CSMD1: variants seen among roughly 807,000 people sequenced by gnomAD.
The protein encoded by CSMD1 is CUB and Sushi multiple domains 1, also known as CUB and sushi domain-containing protein 1.
A neutral mutation model predicts 417.5 loss-of-function variants in CSMD1; 213 were observed. The ratio of observed to expected loss-of-function variants is 0.51; its 90% CI spans 0.46 to 0.57. The LOEUF (loss-of-function observed/expected upper bound fraction) is 0.57, where lower values mean the gene tolerates loss of function less well. Among genes scored for constraint, CSMD1 ranks in the 20% least tolerant of loss-of-function variants. The pLI, the probability that CSMD1 is intolerant of heterozygous loss-of-function variation, is 0.00. For missense variants in CSMD1, 6,923 were observed against 4,529.7 expected (o/e 1.53, Z -15.17); for synonymous variants, 2,862 against 1,736.8 (o/e 1.65, Z -16.11).
intron 3 of CSMD1, among the ~76,000 whole-genome samples, chr8:4,387,163 T>A (rs1369751080): frequency 6.6e-6 from 1 of 152,200 alleles, no homozygotes. Context: ...GAAAATGAGT[T>A]AACACAATGC....
At chr8:3,403,459 T>C (rs1455568375) in intron 15 of CSMD1, among the ~76,000 whole-genome samples, 1 of 152,234 alleles carries the variant, frequency 6.6e-6, no homozygotes, top group Non-Finnish European at 1.5e-5. Flanking sequence ...TCAACGCAGG[T>C]AGACTTTTAA....
chr8:3,618,118 C>T (rs1218085221), intron 7 of CSMD1, among the ~76,000 whole-genome samples: 1 of 152,182 alleles, frequency 6.6e-6, no homozygotes, highest in East Asian at 1.9e-4. Context: ...ACTCCCGTCT[C>T]AGCCTCCCTA....
intron 5 of CSMD1, among the ~76,000 whole-genome samples, chr8:3,833,589 G>C (rs2129089036): frequency 6.6e-6 from 1 of 151,842 alleles, no homozygotes; most frequent in East Asian, 1.9e-4. Context: ...TCATAATTTT[G>C]ATGATACTTT....
At chr8:3,432,959 G>C (rs957611981) in intron 12 of CSMD1, among the ~76,000 whole-genome samples, 2 of 152,240 alleles carry the variant, frequency 1.3e-5, no homozygotes, top group South Asian at 4.1e-4. Context: ...AAATGGGGGG[G>C]TTACAGTCAG....
intron 3 of CSMD1, among the ~76,000 whole-genome samples, chr8:4,382,892 G>C (rs577798325): frequency 6.6e-6 from 1 of 152,142 alleles, no homozygotes; most frequent in African/African-American, 2.4e-5. Context: ...TAAATAAATT[G>C]TTCAAGAATA....
chr8:4,272,775 G>C (rs188333839), intron 3 of CSMD1, among the ~76,000 whole-genome samples: 9 of 152,112 alleles, frequency 5.9e-5, no homozygotes, highest in Non-Finnish European at 1.3e-4. Flanking sequence ...AGTAAAGGAG[G>C]TTAGTATGAG....
chr8:4,464,735 T>A (rs1179030699), intron 2 of CSMD1, among the ~76,000 whole-genome samples: 1 of 152,150 alleles, frequency 6.6e-6, no homozygotes, highest in African/African-American at 2.4e-5. Flanking sequence ...GATTGGATCA[T>A]CAGCATCCGT....
At chr8:3,855,329 T>C (rs1246403326) in intron 5 of CSMD1, among the ~76,000 whole-genome samples, 1 of 152,190 alleles carries the variant, frequency 6.6e-6, no homozygotes, top group Admixed American at 6.6e-5. Context: ...TATTTTTTCA[T>C]CCAGAAGGAA....
chr8:3,888,508 G>C lies in CSMD1; in HGVS notation c.818+109395C>G, dbSNP rs535523216. ...ATCATTAGCTCAAATGAAACACAAAGCGCTTTGCTGGCTCCCCCATCTGAC... is the reference window on the plus strand; with the variant it reads ...ATCATTAGCTCAAATGAAACACAAACCGCTTTGCTGGCTCCCCCATCTGAC... On this transcript the variant is annotated intron_variant, in intron 5 of 69. Transcript: ENST00000635120. Among the ~76,000 whole-genome samples the C allele has an allele frequency of 1.3e-3, 193 of 152,280 alleles. 1 individual carries two copies. Among genetic ancestry groups the C allele is most frequent in the Non-Finnish European group, 9.9e-4 (67 of 68,012 alleles).
intron 23 of CSMD1, among the ~76,000 whole-genome samples, chr8:3,311,670 G>A (rs866791428): frequency 2.6e-5 from 4 of 152,116 alleles, no homozygotes; most frequent in Non-Finnish European, 4.4e-5. Flanking sequence ...TCTACTGAAC[G>A]TGTATTACTT....
rs1021069127 is a variant in CSMD1 at position 4,692,680 on chromosome 8, A to G, written c.86-55122T>C. 8.5e-5 allele frequency among the ~76,000 whole-genome samples: 13 copies of G among 152,272 alleles called. 1 individual carries two copies. The South Asian group carries it at 2.1e-3, about 24-fold the overall frequency. ...CTGTCCTGGTTTGCCGATGGTCACC[A>G]TTTTATAACTGAAAAGTCCTGCAGC... is the stretch of plus-strand genomic sequence containing the variant. On this transcript the variant is annotated intron_variant, in intron 1 of 69. Transcript: ENST00000635120.
At chr8:4,078,970 C>G (rs1799982337) in intron 3 of CSMD1, among the ~76,000 whole-genome samples, 1 of 143,160 alleles carries the variant, frequency 7.0e-6, no homozygotes, top group African/African-American at 2.7e-5. Context: ...CTTCTCTTCA[C>G]TTTTTCCCAC....
chr8:4,841,911 CAAAAA>C (rs397757527), intron 1 of CSMD1, among the ~76,000 whole-genome samples: 1 of 34,830 alleles, frequency 2.9e-5, no homozygotes. Context: ...AACTCCGTCT[CAAAAA>C]AAAAAAAAAA....
rs762176326 is a variant in CSMD1 at position 3,708,451 on chromosome 8, C to A, written c.972G>T (p.Met324Ile). Residue 324 changes from methionine (M) to isoleucine (I), a missense_variant, in exon 7 of 70, where the codon ATG becomes ATT. Transcript: ENST00000635120. ...TATGGCTTCCATCCTTGCTGGGCAG[C>A]ATCTTGACTCCTCTTGACTTCAACT... is the stretch of plus-strand genomic sequence containing the variant. ...AIELKSRGVK[M>I]LPSKDGSHKN... is the part of the protein sequence containing the mutation. 3.7e-6 allele frequency: 6 copies of A among 1,613,830 alleles called. No homozygotes were observed. The highest frequency in any genetic ancestry group is 3.3e-5 in the Admixed American group (2 of 59,996).
Position 3,928,549 on chromosome 8 carries a change from G to C in CSMD1, c.818+69354C>G, listed in dbSNP as rs189951491. Reference sequence around the variant, plus strand: ...GGTTTCACGGCCGTTTGTAGGCTTCGGTACTGTACTAAGTTCAGATCTACA... The same window carrying C: ...GGTTTCACGGCCGTTTGTAGGCTTCCGTACTGTACTAAGTTCAGATCTACA... On this transcript the variant is annotated intron_variant, in intron 5 of 69. Coordinates refer to ENST00000635120, the MANE Select transcript of CSMD1 (RefSeq NM_033225.6). Among the ~76,000 whole-genome samples the C allele has an allele frequency of 8.8e-5, 12 of 135,632 alleles. 1 individual carries two copies. Among genetic ancestry groups the C allele is most frequent in the African/African-American group, 3.0e-4 (11 of 36,176 alleles). 89.0% of individuals were successfully genotyped at this position (135,632 alleles called of 152,430 possible). A position where few individuals can be genotyped will look rare whatever the true frequency, so the allele number is the denominator to read the frequency against.
intron 10 of CSMD1, among the ~76,000 whole-genome samples, chr8:3,515,956 C>A (rs186081545): frequency 6.6e-6 from 1 of 152,248 alleles, no homozygotes; most frequent in Admixed American, 6.5e-5. Flanking sequence ...AGTGACGTAC[C>A]AAACTGTTCG....
chr8:3,366,228 C>G (rs542186275), intron 20 of CSMD1, among the ~76,000 whole-genome samples: 1 of 151,986 alleles, frequency 6.6e-6, no homozygotes, highest in Non-Finnish European at 1.5e-5. Context: ...GCAGCAGGGC[C>G]CTTTCTGTTG....
intron 1 of CSMD1, among the ~76,000 whole-genome samples, chr8:4,968,197 T>C (rs1420414326): frequency 3.3e-5 from 5 of 152,178 alleles, no homozygotes; most frequent in Admixed American, 2.0e-4. Flanking sequence ...TAATTAGATT[T>C]TTGGTATTTT....
At chr8:4,178,005 G>T (rs1334438285) in intron 3 of CSMD1, among the ~76,000 whole-genome samples, 1 of 152,102 alleles carries the variant, frequency 6.6e-6, no homozygotes. Flanking sequence ...AGAGTTACAA[G>T]GAGGAACTAG....
Sources: allele counts gnomAD v4.1 joint callset (sites outside exome capture counted in the v4.1 genomes callset), GRCh38; gene constraint gnomAD v4.1.1; transcripts MANE v1.5; gene names NCBI Gene and HGNC (gene_info 2026-07-23, HGNC 2026-07-21).